Variants in SULF1 observed in about 807,000 individuals in gnomAD.
SULF1 encodes sulfatase 1, also known as extracellular sulfatase Sulf-1.
SULF1 carries 46 observed loss-of-function variants against 110.5 expected under a neutral mutation model. That is an observed-to-expected ratio of 0.42 (90% confidence interval 0.33 to 0.53). The LOEUF is 0.53. Among genes scored for constraint, SULF1 ranks in the 20% least tolerant of loss-of-function variants. The pLI is 0.12. For synonymous variants in SULF1, 371 were observed against 387.1 expected (o/e 0.96, Z 0.49); for missense variants, 941 against 1,094.2 (o/e 0.86, Z 1.98).
chr8:69,508,267 A>C (rs1337150563), intron 3 of SULF1, among the ~76,000 whole-genome samples: 1 of 152,018 alleles, frequency 6.6e-6, no homozygotes, highest in Non-Finnish European at 1.5e-5. Context: ...CACCACGCCC[A>C]GCTAATTTTG....
chr8:69,581,586 A>G (rs2150755177), intron 6 of SULF1, among the ~76,000 whole-genome samples: 1 of 152,372 alleles, frequency 6.6e-6, no homozygotes, highest in East Asian at 1.9e-4. Context: ...TTCAGATAGT[A>G]GGAGTTGAAT....
rs767772359 is a variant in SULF1 at position 69,576,000 on chromosome 8, A to C, written c.203A>C (p.Lys68Thr). 2 of 1,614,078 alleles carry C rather than the reference A, an allele frequency of 1.2e-6. No homozygotes were observed. The highest frequency in any genetic ancestry group is 1.7e-6 in the Non-Finnish European group (2 of 1,179,972). Residue 68 changes from lysine to threonine, a missense_variant, in exon 6 of 23, where the codon AAG (lysine) becomes ACG (threonine). Physicochemically the swap from Lys to Thr is moderately conservative, Grantham distance 78. This residue lies in a region of SULF1 where 822 missense variants were observed against 934.3 expected (regional missense o/e 0.88). Coordinates refer to ENST00000402687, the MANE Select transcript of SULF1 (RefSeq NM_001128205.2). ...CTGCAAGTCATGAACAAAACGAGAAAGATTATGGAACATGGGGGGGCCACC... is the reference window on the plus strand; with the variant it reads ...CTGCAAGTCATGAACAAAACGAGAACGATTATGGAACATGGGGGGGCCACC... ...GSLQVMNKTRKIMEHGGATFI... is the reference protein window; with the variant it reads ...GSLQVMNKTRTIMEHGGATFI...
rs570769842 is a variant in SULF1 at position 69,636,410 on chromosome 8, G to A, written c.2285-2092G>A. 1.5e-4 allele frequency among the ~76,000 whole-genome samples: 23 copies of A among 152,140 alleles called. 1 individual carries two copies. The South Asian group carries it at 2.1e-3, about 14-fold the overall frequency. ...AAATTAACTGGGGGTGGTGGCGGGC[G>A]CCTGTAGTCCCAGCTACTTGGGAGG... On this transcript the variant is annotated intron_variant, in intron 19 of 22. Coordinates refer to ENST00000402687, the MANE Select transcript of SULF1 (RefSeq NM_001128205.2).
Position 69,604,798 on chromosome 8 carries a change from C to T in SULF1, c.1248-5C>T, listed in dbSNP as rs765287788. On this transcript the variant is annotated splice_polypyrimidine_tract_variant and splice_region_variant and intron_variant, in intron 12 of 22. Transcript: ENST00000402687. ...ATGTACGAAGCTTTTCCCTTTTTGT[C>T]GAAGCAAATTTCTACGTAAGAAGGA... 5 of 1,613,276 alleles carry T rather than the reference C, an allele frequency of 3.1e-6. No homozygotes were observed. The highest frequency in any genetic ancestry group is 2.7e-5 in the African/African-American group (2 of 74,856).
chr8:69,472,372 T>A (rs1175350238), intron 1 of SULF1, among the ~76,000 whole-genome samples: 1 of 152,196 alleles, frequency 6.6e-6, no homozygotes, highest in Admixed American at 6.5e-5. Context: ...CCATTTAGAC[T>A]TCACCTTCAA....
At chr8:69,492,269 G>A (rs1285367729), upstream of SULF1, among the ~76,000 whole-genome samples, 2 of 152,000 alleles carry the variant, frequency 1.3e-5, no homozygotes, top group African/African-American at 4.8e-5. Flanking sequence ...CCCAGGCTCA[G>A]TGGAAAGAGC....
chr8:69,477,407 G>A (rs748943161), intron 1 of SULF1, among the ~76,000 whole-genome samples: 7 of 152,298 alleles, frequency 4.6e-5, no homozygotes, highest in Non-Finnish European at 7.4e-5. Flanking sequence ...AATTAAAAGT[G>A]TTCCTACAAT....
intron 3 of SULF1, among the ~76,000 whole-genome samples, chr8:69,511,707 G>A (rs1563483165): frequency 6.6e-6 from 1 of 152,160 alleles, no homozygotes; most frequent in Admixed American, 6.5e-5. Flanking sequence ...AACCTACACT[G>A]ACACATCATT....
chr8:69,618,908 A>G (rs1416091148), intron 13 of SULF1, among the ~76,000 whole-genome samples: 1 of 152,186 alleles, frequency 6.6e-6, no homozygotes, highest in Admixed American at 6.5e-5. Flanking sequence ...TTTGTACACG[A>G]GTGTCAGTTA....
intron 3 of SULF1, 67 bp downstream of exon 3, chr8:69,502,035 A>C (rs950943998): frequency 6.6e-6 from 1 of 152,218 alleles, no homozygotes; most frequent in African/African-American, 2.4e-5. Context: ...TCACTTGAAG[A>C]GGGGAACATT....
At chr8:69,625,640 T>C (rs924958428) in intron 15 of SULF1, among the ~76,000 whole-genome samples, 3 of 152,228 alleles carry the variant, frequency 2.0e-5, no homozygotes, top group African/African-American at 7.2e-5. Flanking sequence ...CCCAGTGGGC[T>C]CGTGGTCTCG....
intron 3 of SULF1, among the ~76,000 whole-genome samples, chr8:69,554,963 G>C (rs1329562855): frequency 7.6e-6 from 1 of 130,750 alleles, no homozygotes; most frequent in African/African-American, 3.1e-5. Flanking sequence ...TGGGCGACAG[G>C]GCGAGATTCC....
At chr8:69,528,862 A>G (rs1475304578) in intron 3 of SULF1, among the ~76,000 whole-genome samples, 1 of 152,178 alleles carries the variant, frequency 6.6e-6, no homozygotes, top group Non-Finnish European at 1.5e-5. Flanking sequence ...TTCAAATTTA[A>G]TTTGGAAAAT....
chr8:69,642,490 A>G, intron 22 of SULF1: 3 of 756,652 alleles, frequency 4.0e-6, no homozygotes, highest in Non-Finnish European at 4.8e-6. Context: ...CTCCCAGCAC[A>G]CATAAGACAG....
intron 13 of SULF1, among the ~76,000 whole-genome samples, chr8:69,616,702 GTT>G (rs35961171): frequency 0.096 from 10,065 of 104,786 alleles, 298 homozygotes; most frequent in South Asian, 0.19. Flanking sequence ...GTGCCCGGCC[GTT>G]TTTTTTTTTT....
chr8:69,601,600 C>CATCA, intron 9 of SULF1, 54 bp from the exon 10 acceptor site: 1 of 1,453,324 alleles, frequency 6.9e-7, no homozygotes, highest in East Asian at 2.4e-5. Context: ...CACTATTGAG[C>CATCA]ATCATCTTAT....
intron 18 of SULF1, among the ~76,000 whole-genome samples, chr8:69,628,592 G>A (rs1257565023): frequency 2.0e-5 from 3 of 152,192 alleles, no homozygotes; most frequent in Admixed American, 6.5e-5. Flanking sequence ...CTACAGAGCA[G>A]CCTGGAATAG....
rs79166756 is a variant in SULF1 at position 69,638,885 on chromosome 8, A to C, written c.2551+27A>C. On this transcript the variant is annotated intron_variant, in intron 21 of 22. Coordinates refer to ENST00000402687, the MANE Select transcript of SULF1 (RefSeq NM_001128205.2). ...TAAGGAAAAAAATACTATTTTTTCT[A>C]TTTTACCTGGAAAATTCTTTGTGTT... 4.8e-5 allele frequency: 76 copies of C among 1,591,438 alleles called. 1 individual carries two copies. In the African/African-American group the frequency reaches 8.4e-4, roughly 18 times the overall value.
intron 22 of SULF1, among the ~76,000 whole-genome samples, chr8:69,643,869 G>C (rs1179579330): frequency 6.6e-6 from 1 of 152,186 alleles, no homozygotes; most frequent in African/African-American, 2.4e-5. Flanking sequence ...TCTTCTAAGT[G>C]TGTTGCAAAA....
Sources: allele counts gnomAD v4.1 joint callset (sites outside exome capture counted in the v4.1 genomes callset), GRCh38; gene constraint gnomAD v4.1.1; regional missense constraint gnomAD v4.1.1; transcripts MANE v1.5; gene names NCBI Gene and HGNC (gene_info 2026-07-23, HGNC 2026-07-21).